The following AHCTF1 variants were observed in gnomAD, a reference collection of about 807,000 sequenced individuals.
AHCTF1 encodes AT-hook containing transcription factor 1.
In AHCTF1, 24 loss-of-function variants were observed where a neutral mutation model predicts 248.4. The ratio of observed to expected loss-of-function variants is 0.10; its 90% CI spans 0.07 to 0.14. AHCTF1 has a LOEUF of 0.14. AHCTF1 is among the 10% of genes least tolerant of loss of function. The pLI is 1.00. For missense variants in AHCTF1, 2,206 were observed against 2,636.2 expected (o/e 0.84, Z 3.57); for synonymous variants, 786 against 929.8 (o/e 0.85, Z 2.81).
chr1:246,866,176 T>A (rs918347956), intron 26 of AHCTF1, among the ~76,000 whole-genome samples: 1 of 152,168 alleles, frequency 6.6e-6, no homozygotes, highest in African/African-American at 2.4e-5. Flanking sequence ...CTCTCTTACA[T>A]CTGAGTTAAC....
chr1:246,901,225 C>G (rs1309953850), intron 8 of AHCTF1, among the ~76,000 whole-genome samples: 3 of 152,164 alleles, frequency 2.0e-5, no homozygotes, highest in Admixed American at 6.5e-5. Flanking sequence ...CCTGTAGTCC[C>G]AGCTACTCAG....
chr1:246,891,825 T>C lies in AHCTF1; in HGVS notation c.1899A>G (p.Ile633Met), dbSNP rs1423736224. 1.9e-6 allele frequency: 3 copies of C among 1,610,906 alleles called. No individual in the cohort carries two copies. Among genetic ancestry groups the C allele is most frequent in the African/African-American group, 1.3e-5 (1 of 74,826 alleles). ...CTTCTGATGCAAAACAGCTCAAGAC[T>C]ATATTAAGATTGCTAAGAAGCAAAT... is the stretch of plus-strand genomic sequence containing the variant. The part of the protein sequence containing the change: ...QCYLLLSNLN[I>M]VLSCFASEAR... Residue 633 changes from isoleucine to methionine, a missense_variant, in exon 15 of 36, where the codon ATA (isoleucine) becomes ATG (methionine). Coordinates refer to ENST00000648844, the MANE Select transcript of AHCTF1 (RefSeq NM_001323342.2).
In AHCTF1 at chr1:246,850,373, G is replaced by C. The variant is rs1558210902; in HGVS notation, c.5633C>G (p.Ser1878Cys). The change falls in exon 33 of 36, where the codon TCT (serine) becomes TGT (cysteine). Residue 1878 changes from serine (S) to cysteine (C), a missense_variant. By Grantham distance (112) the Ser-to-Cys change is moderately radical. Around this residue, in one of 6 missense-constraint regions of AHCTF1, gnomAD observed 469 missense variants for 470.0 expected, o/e 1.00. Coordinates refer to ENST00000648844, the MANE Select transcript of AHCTF1 (RefSeq NM_001323342.2). ...TKRTPRRIKR[S>C]VENQESVEII... is the part of the protein sequence containing the mutation. ...TTCAACACTTTCCTGATTTTCTACA[G>C]ATCTTTTAATTCTTCTAGGAGTCCT... 1.9e-6 allele frequency: 3 copies of C among 1,612,242 alleles called. No individual in the cohort carries two copies. Among genetic ancestry groups the C allele is most frequent in the East Asian group, 4.5e-5 (2 of 44,858 alleles).
intron 29 of AHCTF1, among the ~76,000 whole-genome samples, chr1:246,859,322 G>T (rs1356113231): frequency 2.0e-5 from 3 of 151,992 alleles, no homozygotes; most frequent in Admixed American, 1.3e-4. Flanking sequence ...ATACAAATAG[G>T]TTCAGTTTTC....
intron 24 of AHCTF1, among the ~76,000 whole-genome samples, chr1:246,872,822 A>G (rs573545734): frequency 1.1e-4 from 16 of 152,300 alleles, no homozygotes; most frequent in African/African-American, 3.8e-4. Flanking sequence ...GCAGTAAAAC[A>G]TGCTGTAGAT....
intron 4 of AHCTF1, among the ~76,000 whole-genome samples, chr1:246,911,636 A>C (rs1665813004): frequency 6.6e-6 from 1 of 151,860 alleles, no homozygotes; most frequent in Admixed American, 6.6e-5. Context: ...GGCATGCGCC[A>C]CCACACCTGG....
chr1:246,880,567 C>CAAAAAA (rs370055569), intron 21 of AHCTF1, among the ~76,000 whole-genome samples: 1 of 54,504 alleles, frequency 1.8e-5, no homozygotes, highest in African/African-American at 6.4e-5. Flanking sequence ...GACTCCAGCT[C>CAAAAAA]AAAAAAAAAA....
rs12097543 is a variant in AHCTF1 at position 246,855,319 on chromosome 1, G to T, written c.4354+411C>A. On this transcript the variant is annotated intron_variant, in intron 31 of 35. Transcript: ENST00000648844. ...ATAGGCCTTCACAAAAATGCTCATT[G>T]GATTAAAAAAAAAATTCCATATATT... Among the ~76,000 whole-genome samples, 1,021 of 151,852 alleles carry T rather than the reference G, an allele frequency of 6.7e-3. 23 individuals are homozygous for T. The highest frequency in any genetic ancestry group is 0.041 in the Admixed American group (630 of 15,266).
intron 31 of AHCTF1, among the ~76,000 whole-genome samples, chr1:246,854,883 G>T (rs1449045220): frequency 2.0e-5 from 3 of 152,212 alleles, no homozygotes; most frequent in African/African-American, 7.2e-5. Flanking sequence ...CATATCGGGA[G>T]AAATGGGCAC....
chr1:246,894,629 C>T, intron 14 of AHCTF1, 30 bp downstream of exon 14: 3 of 1,529,826 alleles, frequency 2.0e-6, no homozygotes, highest in Non-Finnish European at 2.7e-6. Flanking sequence ...ATATTAAATT[C>T]TGTCCTACAT....
At chr1:246,852,087 G>C (rs1660751804) in intron 32 of AHCTF1, 1 of 152,624 alleles carries the variant, frequency 6.6e-6, no homozygotes, top group African/African-American at 2.4e-5. Flanking sequence ...AAGTAACAGA[G>C]AGATCTCCTG....
chr1:246,930,986 C>T, intron 1 of AHCTF1: 1 of 1,226,880 alleles, frequency 8.2e-7, no homozygotes, highest in Non-Finnish European at 1.1e-6. Flanking sequence ...AAGAAACCGT[C>T]CTGTTTCCCA....
chr1:246,856,971 T>C (rs1661152949), intron 30 of AHCTF1, among the ~76,000 whole-genome samples: 1 of 152,256 alleles, frequency 6.6e-6, no homozygotes, highest in East Asian at 1.9e-4. Context: ...TGTCCCTTTT[T>C]TGTATCCTCT....
At chr1:246,846,000 T>C (rs1043085643) in intron 33 of AHCTF1, among the ~76,000 whole-genome samples, 7 of 151,330 alleles carry the variant, frequency 4.6e-5, no homozygotes, top group Admixed American at 1.3e-4. Flanking sequence ...GTGCACAGTC[T>C]CAATGAACTT....
At chr1:246,882,110 GC>G (rs1173032542) in intron 21 of AHCTF1, among the ~76,000 whole-genome samples, 2 of 150,790 alleles carry the variant, frequency 1.3e-5, no homozygotes, top group Non-Finnish European at 2.9e-5. Context: ...CCATTCTCCT[GC>G]CTCAGCCTCC....
chr1:246,922,753 A>C lies in AHCTF1; in HGVS notation c.-7-4376T>G, dbSNP rs183993127. Among the ~76,000 whole-genome samples, 221 of 150,524 alleles carry C rather than the reference A, an allele frequency of 1.5e-3. 1 individual carries two copies. The highest frequency in any genetic ancestry group is 3.0e-3 in the African/African-American group (123 of 41,082). On this transcript the variant is annotated intron_variant, in intron 1 of 35. Coordinates refer to ENST00000648844, the MANE Select transcript of AHCTF1 (RefSeq NM_001323342.2). ...ATCCCAGCACTTTGGGAGGCCAAGG[A>C]GGGCGGATCACGAGGTCAGGAGATC...
chr1:246,867,426 A>C (rs893453320), intron 25 of AHCTF1, 75 bp from the exon 26 acceptor site: 1 of 1,071,900 alleles, frequency 9.3e-7, no homozygotes, highest in African/African-American at 1.6e-5. Context: ...GGGAGAACAG[A>C]GGGTTTTCAT....
chr1:246,917,087 T>C (rs76320352), intron 2 of AHCTF1, among the ~76,000 whole-genome samples: 1,925 of 152,258 alleles, frequency 0.013, 16 homozygotes, highest in Admixed American at 0.023. Flanking sequence ...AACTATCTGA[T>C]TTATGCATGT....
rs6426183 is a variant in AHCTF1 at position 246,849,422 on chromosome 1, T to C, written c.6391+193A>G. Among the ~76,000 whole-genome samples, 27,835 of 152,174 alleles carry C rather than the reference T, an allele frequency of 0.18. 4,193 individuals are homozygous for C. Among genetic ancestry groups the C allele is most frequent in the African/African-American group, 0.42 (17,277 of 41,486 alleles). On this transcript the variant is annotated intron_variant, in intron 33 of 35. Transcript: ENST00000648844. ...TACGTGAGTTACAGGATTTAAGTCA[T>C]GTTAACCATACTGAATAACTGAACT...
Sources: allele counts gnomAD v4.1 joint callset (sites outside exome capture counted in the v4.1 genomes callset), GRCh38; gene constraint gnomAD v4.1.1; regional missense constraint gnomAD v4.1.1; transcripts MANE v1.5; gene names NCBI Gene and HGNC (gene_info 2026-07-23, HGNC 2026-07-21).